IFT43: variants seen among roughly 807,000 people sequenced by gnomAD.
IFT43 encodes the protein intraflagellar transport protein 43 homolog.
In IFT43, 33 loss-of-function variants were observed where a neutral mutation model predicts 32.3. That is an observed-to-expected ratio of 1.02 (90% CI 0.77 to 1.37). The LOEUF (loss-of-function observed/expected upper bound fraction) is 1.37. IFT43 is among the 40% of genes most tolerant of loss of function. IFT43 has a pLI of 0.00. For missense variants in IFT43, 274 were observed against 265.9 expected (o/e 1.03, Z -0.21); for synonymous variants, 93 against 98.2 (o/e 0.95, Z 0.31).
chr14:76,077,994 T>TTAA (rs2037440621), intron 5 of IFT43, among the ~76,000 whole-genome samples: 3 of 152,252 alleles, frequency 2.0e-5, no homozygotes, highest in Non-Finnish European at 4.4e-5. Context: ...CTAGATTAAA[T>TTAA]GCATTGTGGA....
intron 2 of IFT43, among the ~76,000 whole-genome samples, chr14:75,993,045 A>G (rs562207420): frequency 6.6e-6 from 1 of 152,224 alleles, no homozygotes; most frequent in African/African-American, 2.4e-5. Flanking sequence ...TCCATACTTC[A>G]TAGGATAGCT....
intron 5 of IFT43, among the ~76,000 whole-genome samples, chr14:76,060,294 T>C (rs2140055504): frequency 6.6e-6 from 1 of 152,274 alleles, no homozygotes; most frequent in East Asian, 1.9e-4. Context: ...CTTGGCTCAC[T>C]GAAACCTCTG....
At chr14:76,065,524 A>G (rs974014105) in intron 5 of IFT43, among the ~76,000 whole-genome samples, 2 of 152,142 alleles carry the variant, frequency 1.3e-5, no homozygotes, top group African/African-American at 4.8e-5. Flanking sequence ...TGGCCTCAGA[A>G]AACTACTAAT....
At chr14:76,032,167 CCT>C in intron 3 of IFT43, among the ~76,000 whole-genome samples, 1 of 152,270 alleles carries the variant, frequency 6.6e-6, no homozygotes, top group South Asian at 2.1e-4. Flanking sequence ...ATCCTGGCCT[CCT>C]CTCTTTATAT....
Position 75,991,359 on chromosome 14 carries a change from TTA to T in IFT43, c.147+2397_147+2398del, listed in dbSNP as rs370792084. Among the ~76,000 whole-genome samples, 411 of 141,578 alleles carry T rather than the reference TTA, an allele frequency of 2.9e-3. 5 individuals are homozygous for T. The South Asian group carries it at 0.037, about 13-fold the overall frequency. 92.9% of individuals were successfully genotyped at this position (141,578 alleles called of 152,430 possible). On this transcript the variant is annotated intron_variant, in intron 2 of 8. Transcript: ENST00000314067. ...ATATAATTAACAATAAGAGTATATA[TTA>T]TATATATATATATAAATATTAACAA... is the stretch of plus-strand genomic sequence containing the variant.
intron 5 of IFT43, among the ~76,000 whole-genome samples, chr14:76,071,715 A>G (rs1491002809): frequency 6.6e-6 from 1 of 152,214 alleles, no homozygotes; most frequent in East Asian, 1.9e-4. Flanking sequence ...TTGAGTATTT[A>G]TTACCTTTCT....
intron 8 of IFT43, 34 bp from the exon 9 acceptor site, chr14:76,083,420 CCTTT>C: frequency 6.2e-7 from 1 of 1,614,080 alleles, no homozygotes; most frequent in Non-Finnish European, 8.5e-7. Flanking sequence ...AGGGAAAAGG[CCTTT>C]CTTTGTCTTA....
At chr14:76,071,196 T>TA (rs1234953442) in intron 5 of IFT43, among the ~76,000 whole-genome samples, 1 of 152,226 alleles carries the variant, frequency 6.6e-6, no homozygotes, top group Non-Finnish European at 1.5e-5. Flanking sequence ...CCCTCTCTTT[T>TA]GTCTCAGTGC....
At chr14:76,080,452 A>G (rs2037489591) in intron 5 of IFT43, among the ~76,000 whole-genome samples, 1 of 152,214 alleles carries the variant, frequency 6.6e-6, no homozygotes, top group South Asian at 2.1e-4. Flanking sequence ...TCAGAGCCCC[A>G]AGACGCTGGG....
At chr14:75,999,230 TA>T (rs2035806441) in intron 2 of IFT43, among the ~76,000 whole-genome samples, 2 of 4,928 alleles carry the variant, frequency 4.1e-4, no homozygotes, top group Middle Eastern at 0.029. Flanking sequence ...ATTCATTTTA[TA>T]TATATATATA....
intron 2 of IFT43, among the ~76,000 whole-genome samples, chr14:76,019,433 C>T (rs935470374): frequency 2.6e-5 from 4 of 151,870 alleles, no homozygotes; most frequent in South Asian, 2.1e-4. Context: ...TTTCCTGGCC[C>T]GTAAGGTTTC....
Position 75,989,469 on chromosome 14 carries a change from G to A in IFT43, c.147+492G>A, listed in dbSNP as rs568597487. Among the ~76,000 whole-genome samples the A allele has an allele frequency of 2.6e-4, 39 of 152,240 alleles. No homozygotes were observed. In the South Asian group the frequency reaches 7.3e-3, roughly 28 times the overall value. Reference sequence around the variant, plus strand: ...GGAAATGATCCAGCTTCTTTGTGGAGGGTGGGTAATTCTGATGAGCAATAC... The same window carrying A: ...GGAAATGATCCAGCTTCTTTGTGGAAGGTGGGTAATTCTGATGAGCAATAC... On this transcript the variant is annotated intron_variant, in intron 2 of 8. Coordinates refer to ENST00000314067, the MANE Select transcript of IFT43 (RefSeq NM_001102564.3).
At chr14:76,078,937 C>A (rs2037458547) in intron 5 of IFT43, among the ~76,000 whole-genome samples, 1 of 152,130 alleles carries the variant, frequency 6.6e-6, no homozygotes, top group Non-Finnish European at 1.5e-5. Context: ...CCCCATTTAG[C>A]CTTGTAGAGA....
chr14:76,041,227 GA>G (rs2036700230), intron 3 of IFT43, among the ~76,000 whole-genome samples: 1 of 152,232 alleles, frequency 6.6e-6, no homozygotes, highest in Non-Finnish European at 1.5e-5. Flanking sequence ...TTGCAGAAAT[GA>G]AAATGCTCTG....
At chr14:75,999,281 A>ATATATATTT (rs1566699821) in intron 2 of IFT43, among the ~76,000 whole-genome samples, 14 of 39,038 alleles carry the variant, frequency 3.6e-4, no homozygotes, top group South Asian at 9.4e-4. Context: ...ATGTATATAT[A>ATATATATTT]TTTTTTTTTT....
At chr14:76,051,241 C>T (rs1360573478) in intron 3 of IFT43, among the ~76,000 whole-genome samples, 3 of 148,180 alleles carry the variant, frequency 2.0e-5, no homozygotes, top group South Asian at 2.2e-4. Context: ...ATGCTAAACA[C>T]ATGAGTGGCA....
At chr14:75,986,261 C>G (rs1017209453) in intron 1 of IFT43, 1 of 1,283,622 alleles carries the variant, frequency 7.8e-7, no homozygotes, top group African/African-American at 1.5e-5. Context: ...AAAAGCCGCA[C>G]TGTTTTATGC....
At chr14:76,035,945 T>C (rs1410914396) in intron 3 of IFT43, among the ~76,000 whole-genome samples, 16 of 152,352 alleles carry the variant, frequency 1.1e-4, no homozygotes, top group African/African-American at 2.4e-5. Context: ...GGAAGTACTA[T>C]GTCAGACATA....
At chr14:76,045,539 G>C (rs1322652833) in intron 3 of IFT43, among the ~76,000 whole-genome samples, 3 of 152,168 alleles carry the variant, frequency 2.0e-5, no homozygotes, top group Non-Finnish European at 4.4e-5. Context: ...CTCACAAAAG[G>C]AGAGGTCCAG....
Sources: gnomAD v4.1 joint callset for allele counts (sites outside exome capture counted in the v4.1 genomes callset) on GRCh38, gnomAD v4.1.1 for gene constraint, MANE v1.5 for transcripts, NCBI Gene and HGNC (gene_info 2026-07-23, HGNC 2026-07-21) for gene names.